CLEC16A: variants seen among roughly 807,000 people sequenced by gnomAD.
CLEC16A encodes the protein protein CLEC16A.
Under a neutral mutation model 109.5 loss-of-function variants are expected in CLEC16A, and 51 were observed. The ratio of observed to expected loss-of-function variants is 0.47; its 90% CI spans 0.37 to 0.59. CLEC16A has a LOEUF of 0.59. Ranked by LOEUF, CLEC16A falls within the 20% of genes least tolerant of loss-of-function variation. The pLI, the probability that CLEC16A is intolerant of heterozygous loss-of-function variation, is 0.00. For missense variants in CLEC16A, 1,339 were observed against 1,394.0 expected, an observed-to-expected ratio of 0.96 and a Z score of 0.63; for synonymous variants, 673 against 564.2, an observed-to-expected ratio of 1.19 and a Z score of -2.73.
chr16:11,021,207 T>G (rs2046079521), intron 12 of CLEC16A, among the ~76,000 whole-genome samples: 1 of 152,244 alleles, frequency 6.6e-6, no homozygotes, highest in African/African-American at 2.4e-5. Flanking sequence ...ACATCTTATT[T>G]GTCTCTTTGC....
Position 10,954,584 on chromosome 16 carries a change from C to T in CLEC16A, c.81-3198C>T, listed in dbSNP as rs1160007030. Among the ~76,000 whole-genome samples the T allele has an allele frequency of 6.6e-6, 1 of 152,202 alleles. No individual in the cohort carries two copies. The highest frequency in any genetic ancestry group is 2.4e-5 in the African/African-American group (1 of 41,446). On this transcript the variant is annotated intron_variant, in intron 1 of 23. Coordinates refer to ENST00000409790, the MANE Select transcript of CLEC16A (RefSeq NM_015226.3). The surrounding 1 kb of genome is among the most constrained non-coding windows in gnomAD (Gnocchi z 4.2). Reference sequence around the variant, plus strand: ...TGCTGTTTACATTTTACTGGTGAGACAACTGAGGTGCACAGAGGGAAAGTA... The same window carrying T: ...TGCTGTTTACATTTTACTGGTGAGATAACTGAGGTGCACAGAGGGAAAGTA...
intron 11 of CLEC16A, among the ~76,000 whole-genome samples, chr16:11,018,350 T>C (rs1011580524): frequency 6.7e-6 from 1 of 150,204 alleles, no homozygotes; most frequent in Admixed American, 6.6e-5. Flanking sequence ...GGAGGCGACA[T>C]GTGAACTGAG....
intron 22 of CLEC16A, among the ~76,000 whole-genome samples, chr16:11,153,522 A>G (rs1182227619): frequency 1.3e-5 from 2 of 151,524 alleles, no homozygotes; most frequent in East Asian, 1.9e-4. Flanking sequence ...AAGGCTAAAC[A>G]ATGAAACGTA....
At chr16:11,130,581 G>A (rs2053138016) in intron 22 of CLEC16A, among the ~76,000 whole-genome samples, 1 of 152,200 alleles carries the variant, frequency 6.6e-6, no homozygotes, top group Admixed American at 6.5e-5. Context: ...CGGGGAGCCG[G>A]GCAGTGGAGG....
chr16:11,054,192 A>G (rs889755350), intron 18 of CLEC16A, among the ~76,000 whole-genome samples: 5 of 152,216 alleles, frequency 3.3e-5, no homozygotes, highest in African/African-American at 1.2e-4. Flanking sequence ...TCATGACCTC[A>G]TGCCCTGCTG....
At position 11,178,632 on chromosome 16, in the gene CLEC16A, C is replaced by G; in HGVS notation, c.3104C>G (p.Thr1035Arg). 1 of 1,592,804 alleles carries G rather than the reference C, an allele frequency of 6.3e-7. No homozygotes were observed. Among genetic ancestry groups the G allele is most frequent in the South Asian group, 1.1e-5 (1 of 88,846 alleles). The change falls in exon 24 of 24, where the codon ACA becomes AGA. Residue 1035 changes from threonine to arginine, a missense_variant. By Grantham distance (71) the Thr-to-Arg change is moderately conservative. Transcript: ENST00000409790. This position sits in a 1 kb window ranked among gnomAD's most constrained non-coding sequence, Gnocchi z 6.5. Reference sequence around the variant, plus strand: ...CTGTCCACGCCGGCTGCCGCCTGCACAGAGCCCGTGGGCGAAGAGGCTGCA... The same window carrying G: ...CTGTCCACGCCGGCTGCCGCCTGCAGAGAGCCCGTGGGCGAAGAGGCTGCA... ...PPLSTPAAAC[T>R]EPVGEEAACA...
chr16:11,002,078 T>A (rs1451272012), intron 10 of CLEC16A, among the ~76,000 whole-genome samples: 1 of 152,226 alleles, frequency 6.6e-6, no homozygotes, highest in East Asian at 1.9e-4. Context: ...ACAGCTTGTG[T>A]GGCTGGTACG....
At chr16:11,063,977 AGGAAGAAAGG>A (rs1168799830) in intron 19 of CLEC16A, among the ~76,000 whole-genome samples, 1 of 150,594 alleles carries the variant, frequency 6.6e-6, no homozygotes, top group Non-Finnish European at 1.5e-5. Flanking sequence ...GAGGGATTGG[AGGAAGAAAGG>A]GGAAGGGAGG....
In CLEC16A at chr16:11,070,055, C is replaced by T. The variant is rs181361247; in HGVS notation, c.2116+9033C>T. Among the ~76,000 whole-genome samples, 434 of 146,164 alleles carry T rather than the reference C, an allele frequency of 3.0e-3. 1 individual carries two copies. The highest frequency in any genetic ancestry group is 5.2e-3 in the Non-Finnish European group (351 of 67,250). On this transcript the variant is annotated intron_variant, in intron 19 of 23. Coordinates refer to ENST00000409790, the MANE Select transcript of CLEC16A (RefSeq NM_015226.3). The stretch of plus-strand genomic sequence containing the variant: ...CCTTCTCTCCCAGCTTCTCCCAGCA[C>T]CTTGTTTGAACTGCCACCATTTTTT...
At chr16:11,111,387 C>T (rs756741884) in intron 19 of CLEC16A, among the ~76,000 whole-genome samples, 2 of 152,154 alleles carry the variant, frequency 1.3e-5, no homozygotes, top group African/African-American at 2.4e-5. Context: ...CTTGGGCTTC[C>T]TCACAACATG....
chr16:11,053,956 C>G (rs1044267555), intron 18 of CLEC16A, among the ~76,000 whole-genome samples: 1 of 152,226 alleles, frequency 6.6e-6, no homozygotes. Flanking sequence ...ATTATTCAAG[C>G]AGCATTAGGT....
intron 19 of CLEC16A, among the ~76,000 whole-genome samples, chr16:11,108,501 C>G (rs562481212): frequency 2.5e-4 from 38 of 152,360 alleles, no homozygotes; most frequent in African/African-American, 9.1e-4. Context: ...TCCCACCCAC[C>G]CTCTGCAGCT....
chr16:11,038,551 G>C (rs932241081), intron 13 of CLEC16A, among the ~76,000 whole-genome samples: 1 of 152,102 alleles, frequency 6.6e-6, no homozygotes, highest in Non-Finnish European at 1.5e-5. Context: ...GCTTCTTTAG[G>C]AGAAATGACA....
intron 19 of CLEC16A, among the ~76,000 whole-genome samples, chr16:11,091,322 T>G (rs572761126): frequency 6.6e-6 from 1 of 152,362 alleles, no homozygotes; most frequent in East Asian, 1.9e-4. Context: ...CTATTCAGTA[T>G]CGGCCACTTG....
At chr16:11,157,323 G>C (rs750877932) in intron 22 of CLEC16A, 64 of 902,634 alleles carry the variant, frequency 7.1e-5, no homozygotes, top group Non-Finnish European at 8.2e-5. Flanking sequence ...CCTTCCCCAG[G>C]TGCCTGATGT....
rs551581422 is a variant in CLEC16A at position 11,097,161 on chromosome 16, G to T, written c.2117-23454G>T. Among the ~76,000 whole-genome samples the T allele has an allele frequency of 3.7e-4, 56 of 152,258 alleles. No homozygotes were observed. The South Asian group carries it at 0.011, about 30-fold the overall frequency. ...AGAACGGCGGTAACCTAAAATTCTA[G>T]AACAGGTTAAAGGACATGCCCAGCT... On this transcript the variant is annotated intron_variant, in intron 19 of 23. Transcript: ENST00000409790.
intron 19 of CLEC16A, among the ~76,000 whole-genome samples, chr16:11,111,692 G>C (rs910992808): frequency 3.9e-4 from 59 of 152,290 alleles, no homozygotes; most frequent in African/African-American, 1.3e-3. Context: ...AGACTAGTTT[G>C]TCGTAGAAAC....
intron 12 of CLEC16A, among the ~76,000 whole-genome samples, chr16:11,022,841 G>A (rs1015852247): frequency 6.6e-6 from 1 of 151,160 alleles, no homozygotes; most frequent in African/African-American, 2.4e-5. Flanking sequence ...AGAGCTTGCA[G>A]TGAGCCGAGA....
At position 11,174,343 on chromosome 16, in the gene CLEC16A, G is replaced by T. The variant is rs2068656234; in HGVS notation, c.2807-3992G>T. 2.4e-6 allele frequency: 1 copy of T among 412,950 alleles called. No individual in the cohort carries two copies. 25.6% of individuals were successfully genotyped at this position (412,950 alleles called of 1,614,324 possible). A position where few individuals can be genotyped will look rare whatever the true frequency, so the allele number is the denominator to read the frequency against. On this transcript the variant is annotated intron_variant, in intron 23 of 23. Transcript: ENST00000409790. This position sits in a 1 kb window ranked among gnomAD's most constrained non-coding sequence, Gnocchi z 4.7. ...TCGCCACGCTGCATTTCCACAGTCG[G>T]CAGGGTCCGCGCTGGCAAGGTGGGC...
Sources: gnomAD v4.1 joint callset for allele counts (sites outside exome capture counted in the v4.1 genomes callset) on GRCh38, gnomAD v4.1.1 for gene constraint, Gnocchi (gnomAD v3.1) non-coding constraint, MANE v1.5 for transcripts, NCBI Gene and HGNC (gene_info 2026-07-23, HGNC 2026-07-21) for gene names.